Variants in LYSMD4 observed in about 807,000 individuals in gnomAD.
The protein encoded by LYSMD4 is LysM domain containing 4.
In LYSMD4, 9 loss-of-function variants were observed where a neutral mutation model predicts 6.1. That is an observed-to-expected ratio of 1.47 (90% CI 0.88 to 2.56). The LOEUF is 2.56. Among genes scored for constraint, LYSMD4 ranks in the 30% most tolerant of loss-of-function variants. LYSMD4 has a pLI of 0.00. For synonymous variants in LYSMD4, 143 were observed against 148.5 expected, an observed-to-expected ratio of 0.96 and a Z score of 0.27; for missense variants, 384 against 373.5, an observed-to-expected ratio of 1.03 and a Z score of -0.23.
In LYSMD4 at chr15:99,729,537, G is replaced by A. The variant is rs765740513; in HGVS notation, c.477C>T (p.Thr159=). The A allele has an allele frequency of 9.9e-6, 16 of 1,613,908 alleles. No homozygotes were observed. Among genetic ancestry groups the A allele is most frequent in the South Asian group, 2.2e-5 (2 of 91,080 alleles). The change falls in exon 3 of 3, where the codon ACC becomes ACT. Residue 159 remains threonine, a synonymous_variant. Transcript: ENST00000684762. ...CCATCAGTTGGCCGGCCTGGGCACC[G>A]GTGCCCGCGCCTGCTCTGTCTGCCT... ...LPEADRAGAG[T]GAQAGQLMGF... is the part of the protein sequence containing the mutation.
At position 99,728,711 on chromosome 15, in the gene LYSMD4, C is replaced by T. The variant is rs2141117701; in HGVS notation, c.*412G>A. 4.6e-6 allele frequency: 1 copy of T among 217,040 alleles called. No homozygotes were observed. Among genetic ancestry groups the T allele is most frequent in the South Asian group, 8.8e-5 (1 of 11,376 alleles). 13.4% of individuals were successfully genotyped at this position (217,040 alleles called of 1,614,324 possible). A position where few individuals can be genotyped will look rare whatever the true frequency, so the allele number is the denominator to read the frequency against. Reference sequence around the variant, plus strand: ...TCCTTCTCAGAGCCAATCCCCGCTCCACAGGAAGTGAGGATACAGCAAGAG... The same window carrying T: ...TCCTTCTCAGAGCCAATCCCCGCTCTACAGGAAGTGAGGATACAGCAAGAG... On this transcript the variant is annotated 3_prime_UTR_variant, in exon 3 of 3. Coordinates refer to ENST00000684762, the MANE Select transcript of LYSMD4 (RefSeq NM_001284417.2).
downstream of LYSMD4, among the ~76,000 whole-genome samples, chr15:99,724,574 G>A (rs2059262767): frequency 6.6e-6 from 1 of 152,186 alleles, no homozygotes; most frequent in Non-Finnish European, 1.5e-5. Flanking sequence ...CCTGGCATAG[G>A]TCATATCCCA....
At chr15:99,719,773 A>C (rs1463873781), upstream of LYSMD4, among the ~76,000 whole-genome samples, 1 of 152,240 alleles carries the variant, frequency 6.6e-6, no homozygotes, top group Non-Finnish European at 1.5e-5. Flanking sequence ...TTTGCAAGGT[A>C]TCGCCAAATT....
At chr15:99,716,940 C>T in exon 1 of LYSMD4, 1 of 328,232 alleles carries the variant, frequency 3.0e-6, no homozygotes, top group Non-Finnish European at 6.1e-6. Context: ...ATACATGATG[C>T]TGAGCTAGAT....
downstream of LYSMD4, among the ~76,000 whole-genome samples, chr15:99,723,586 G>GC (rs1346167948): frequency 6.6e-6 from 1 of 152,174 alleles, no homozygotes; most frequent in Non-Finnish European, 1.5e-5. Flanking sequence ...GCCTGAGCGT[G>GC]CCCCTGGCTC....
At chr15:99,725,335 T>C (rs974340609), downstream of LYSMD4, among the ~76,000 whole-genome samples, 1 of 152,226 alleles carries the variant, frequency 6.6e-6, no homozygotes, top group Non-Finnish European at 1.5e-5. Flanking sequence ...ATAACAGCTA[T>C]AGATCATGTG....
chr15:99,719,305 G>A (rs1014641285), upstream of LYSMD4, among the ~76,000 whole-genome samples: 2 of 151,984 alleles, frequency 1.3e-5, no homozygotes, highest in Non-Finnish European at 2.9e-5. Flanking sequence ...TTTCACTTTC[G>A]GCACCCTCCC....
In LYSMD4 at chr15:99,729,659, G is replaced by C. The variant is rs900124101; in HGVS notation, c.355C>G (p.Pro119Ala). 6.2e-7 allele frequency: 1 copy of C among 1,613,968 alleles called. No homozygotes were observed. The highest frequency in any genetic ancestry group is 8.5e-7 in the Non-Finnish European group (1 of 1,179,942). The change falls in exon 3 of 3, where the codon CCA becomes GCA. Residue 119 changes from proline to alanine, a missense_variant. Transcript: ENST00000684762. ...ATCAGGATCCCATGGTTTCTCACTG[G>C]AATCTTAACAGATTTCAAAGCATAT... Reference protein sequence around the residue: ...DLYALKSVKIPVRNHGILMET... With the variant: ...DLYALKSVKIAVRNHGILMET...
chr15:99,729,871 G>A (rs2059361918), intron 2 of LYSMD4, 140 bp from the exon 3 acceptor site: 3 of 1,120,634 alleles, frequency 2.7e-6, no homozygotes, highest in African/African-American at 1.6e-5. Flanking sequence ...GAAAACTGCA[G>A]CTGTACACAA....
exon 1 of LYSMD4, chr15:99,717,505 G>A (rs1374170730): frequency 2.1e-5 from 1 of 47,386 alleles, no homozygotes; most frequent in Non-Finnish European, 5.0e-5. Flanking sequence ...GGGCCAGGAG[G>A]TTTCAGACGT....
At chr15:99,730,461 C>T (rs1308154467) in intron 2 of LYSMD4, among the ~76,000 whole-genome samples, 3 of 152,238 alleles carry the variant, frequency 2.0e-5, no homozygotes, top group Non-Finnish European at 4.4e-5. Flanking sequence ...TAACCCCTCC[C>T]TCAAACTAAT....
Position 99,729,832 on chromosome 15 carries a change from C to T in LYSMD4, c.283-101G>A, listed in dbSNP as rs191543141. The T allele has an allele frequency of 4.1e-5, 56 of 1,363,532 alleles. No individual in the cohort carries two copies. In the African/African-American group the frequency reaches 7.6e-4, roughly 18 times the overall value. 84.5% of individuals were successfully genotyped at this position (1,363,532 alleles called of 1,614,324 possible). A position where few individuals can be genotyped will look rare whatever the true frequency, so the allele number is the denominator to read the frequency against. ...ATCTTTCTGGGTGATGATTCAAGCC[C>T]ACTTCACTGACGAATCTGATGAAGA... is the stretch of plus-strand genomic sequence containing the variant. On this transcript the variant is annotated intron_variant, in intron 2 of 2. Transcript: ENST00000684762.
At chr15:99,726,564 C>T (rs895983672), downstream of LYSMD4, among the ~76,000 whole-genome samples, 1 of 152,150 alleles carries the variant, frequency 6.6e-6, no homozygotes, top group Admixed American at 6.5e-5. Flanking sequence ...TCCCAACATG[C>T]TCCTAGGCCG....
upstream of LYSMD4, among the ~76,000 whole-genome samples, chr15:99,719,920 A>ATGTGTATTTGAGCATTTTATGTGTATG (rs1438138196): frequency 2.6e-5 from 4 of 152,164 alleles, no homozygotes; most frequent in African/African-American, 9.7e-5. Context: ...TTTCTCTATT[A>ATGTGTATTTGAGCATTTTATGTGTATG]TGAGTGAGAT....
exon 1 of LYSMD4, chr15:99,716,367 T>C (rs764231852): frequency 1.5e-4 from 55 of 361,406 alleles, no homozygotes; most frequent in Non-Finnish European, 2.5e-4. Context: ...GTTGTTTTTC[T>C]TCATTATACA....
chr15:99,718,125 T>C (rs1220360156), upstream of LYSMD4, among the ~76,000 whole-genome samples: 1 of 152,222 alleles, frequency 6.6e-6, no homozygotes, highest in Non-Finnish European at 1.5e-5. Context: ...GATCCCACAT[T>C]CCCTTTGTCA....
At position 99,729,170 on chromosome 15, in the gene LYSMD4, T is replaced by G. The variant is rs2059337973; in HGVS notation, c.844A>C (p.Thr282Pro). ...PRLAVAVPAV[T>P]SADSQFSQTT... is the part of the protein sequence containing the mutation. ...TGACTGAACTGGCTGTCTGCAGAAG[T>G]GACGGCTGGCACTGCAACTGCTAGT... The change falls in exon 3 of 3, where the codon ACT becomes CCT. Residue 282 changes from threonine to proline, a missense_variant. Physicochemically the swap from Thr to Pro is conservative, Grantham distance 38 (BLOSUM62 -1). Coordinates refer to ENST00000684762, the MANE Select transcript of LYSMD4 (RefSeq NM_001284417.2). 2 of 1,614,106 alleles carry G rather than the reference T, an allele frequency of 1.2e-6. No individual in the cohort carries two copies. The highest frequency in any genetic ancestry group is 1.7e-6 in the Non-Finnish European group (2 of 1,180,034).
exon 1 of LYSMD4, chr15:99,716,599 T>C (rs1438103180): frequency 2.2e-6 from 1 of 456,760 alleles, no homozygotes; most frequent in Non-Finnish European, 4.4e-6. Context: ...AAGACCTTTT[T>C]CACCTGCAGG....
downstream of LYSMD4, among the ~76,000 whole-genome samples, chr15:99,726,834 GTTAT>G (rs1326380884): frequency 2.0e-5 from 3 of 152,158 alleles, no homozygotes; most frequent in African/African-American, 7.2e-5. Context: ...AAGTATCGTG[GTTAT>G]TTCTTATATA....
Sources: allele counts gnomAD v4.1 joint callset (sites outside exome capture counted in the v4.1 genomes callset), GRCh38; gene constraint gnomAD v4.1.1; transcripts MANE v1.5; gene names NCBI Gene and HGNC (gene_info 2026-07-23, HGNC 2026-07-21).